Variants in SAMD5 observed in about 807,000 individuals in gnomAD.
SAMD5 encodes sterile alpha motif domain containing 5, also known as sterile alpha motif domain-containing protein 5.
In SAMD5, 13 loss-of-function variants were observed where a neutral mutation model predicts 11.3. That is an observed-to-expected ratio of 1.15 (90% CI 0.75 to 1.83). The LOEUF (loss-of-function observed/expected upper bound fraction) is 1.83. SAMD5 is among the 40% of genes most tolerant of loss of function. The pLI is 0.00. For missense variants in SAMD5, 255 were observed against 239.1 expected, an observed-to-expected ratio of 1.07 and a Z score of -0.44; for synonymous variants, 129 against 111.3, an observed-to-expected ratio of 1.16 and a Z score of -1.00.
chr6:147,878,668 T>G, the SAMD5 span, among the ~76,000 whole-genome samples: 2 of 149,682 alleles, frequency 1.3e-5, no homozygotes, highest in Non-Finnish European at 3.0e-5. Flanking sequence ...TATCTATATA[T>G]CTATATGTAG....
the SAMD5 span, among the ~76,000 whole-genome samples, chr6:147,856,198 TTTTA>T: frequency 6.6e-6 from 1 of 152,174 alleles, no homozygotes; most frequent in Non-Finnish European, 1.5e-5. Context: ...TATTGTAAAA[TTTTA>T]TTTATATAAA....
the SAMD5 span, among the ~76,000 whole-genome samples, chr6:147,861,372 G>T: frequency 4.4e-5 from 6 of 136,242 alleles, no homozygotes; most frequent in Admixed American, 2.9e-4. Flanking sequence ...CACCATATTC[G>T]CCAGGCTAGT....
chr6:147,802,005 G>C, the SAMD5 span, among the ~76,000 whole-genome samples: 34 of 152,140 alleles, frequency 2.2e-4, no homozygotes, highest in Non-Finnish European at 4.7e-4. Flanking sequence ...CTTGGGACAT[G>C]CAGAGATTTC....
At chr6:147,776,192 A>T in the SAMD5 span, among the ~76,000 whole-genome samples, 922 of 152,320 alleles carry the variant, frequency 6.1e-3, 27 homozygotes, top group East Asian at 0.061. Flanking sequence ...GATCAGGATT[A>T]TGCCTTGCTC....
At chr6:147,673,370 C>T (rs764064017) in intron 1 of SAMD5, among the ~76,000 whole-genome samples, 14 of 152,108 alleles carry the variant, frequency 9.2e-5, no homozygotes, top group African/African-American at 2.2e-4. Context: ...CCTGCCACCA[C>T]GCCCAGCTTA....
At chr6:147,790,804 C>G in the SAMD5 span, among the ~76,000 whole-genome samples, 3 of 101,264 alleles carry the variant, frequency 3.0e-5, no homozygotes, top group African/African-American at 1.0e-4. Flanking sequence ...CTCTCTCTCT[C>G]TCTCTCTCTC....
intron 1 of SAMD5, among the ~76,000 whole-genome samples, chr6:147,647,169 G>T (rs1790417501): frequency 6.6e-6 from 1 of 151,734 alleles, no homozygotes; most frequent in African/African-American, 2.4e-5. Context: ...CTCCACCTCA[G>T]AAAAAGAAAA....
intron 1 of SAMD5, among the ~76,000 whole-genome samples, chr6:147,678,943 G>T (rs1360913361): frequency 6.6e-6 from 1 of 152,072 alleles, no homozygotes; most frequent in Non-Finnish European, 1.5e-5. Flanking sequence ...GTGTATTGTT[G>T]TATGTCTCAA....
At chr6:147,836,577 AATTG>A in the SAMD5 span, among the ~76,000 whole-genome samples, 1 of 152,186 alleles carries the variant, frequency 6.6e-6, no homozygotes, top group Non-Finnish European at 1.5e-5. Flanking sequence ...TATGTCATGT[AATTG>A]ATTGAATACT....
At chr6:147,940,332 G>A in the SAMD5 span, among the ~76,000 whole-genome samples, 295 of 152,018 alleles carry the variant, frequency 1.9e-3, no homozygotes, top group African/African-American at 6.8e-3. Context: ...TTTAGGGGGT[G>A]GAATCACCTT....
the SAMD5 span, among the ~76,000 whole-genome samples, chr6:147,742,659 T>C: frequency 6.6e-6 from 1 of 152,220 alleles, no homozygotes; most frequent in Non-Finnish European, 1.5e-5. Context: ...GGCAGTACTC[T>C]ATCCAGTTAA....
intron 1 of SAMD5, among the ~76,000 whole-genome samples, chr6:147,622,846 C>T (rs898398093): frequency 3.3e-5 from 5 of 152,126 alleles, no homozygotes; most frequent in African/African-American, 1.2e-4. Flanking sequence ...GGAGGCCTCA[C>T]AATCATGGCG....
At chr6:147,753,146 T>C in the SAMD5 span, among the ~76,000 whole-genome samples, 1 of 152,198 alleles carries the variant, frequency 6.6e-6, no homozygotes, top group Non-Finnish European at 1.5e-5. Context: ...CAGTGTTGAT[T>C]CCGACATTCA....
At chr6:147,686,842 T>TC (rs1462687573) in intron 1 of SAMD5, among the ~76,000 whole-genome samples, 2 of 152,162 alleles carry the variant, frequency 1.3e-5, no homozygotes, top group East Asian at 1.9e-4. Context: ...ATTTGGCTTC[T>TC]CAGAACAAAA....
the SAMD5 span, among the ~76,000 whole-genome samples, chr6:147,839,471 G>A: frequency 3.3e-4 from 50 of 152,246 alleles, no homozygotes; most frequent in African/African-American, 1.1e-3. Context: ...AACTTGGGCC[G>A]GGCGCAATGG....
intron 1 of SAMD5, among the ~76,000 whole-genome samples, chr6:147,650,457 TGG>T (rs1790467458): frequency 6.6e-6 from 1 of 152,172 alleles, no homozygotes; most frequent in Admixed American, 6.5e-5. Flanking sequence ...TTTGAACCTT[TGG>T]TGGAAAGAAG....
the SAMD5 span, among the ~76,000 whole-genome samples, chr6:147,918,443 G>T: frequency 6.6e-6 from 1 of 152,100 alleles, no homozygotes; most frequent in African/African-American, 2.4e-5. Flanking sequence ...CACAAGAGAG[G>T]GATGCCCTCT....
chr6:147,924,649 C>T, the SAMD5 span, among the ~76,000 whole-genome samples: 1 of 151,698 alleles, frequency 6.6e-6, no homozygotes, highest in Non-Finnish European at 1.5e-5. Context: ...AAAACTAAAA[C>T]AAATCCACAA....
the SAMD5 span, among the ~76,000 whole-genome samples, chr6:147,909,618 T>TTCTCTCTC: frequency 1.3e-5 from 1 of 76,420 alleles, no homozygotes; most frequent in African/African-American, 8.3e-5. Context: ...CTTTCTTTCT[T>TTCTCTCTC]TCTTTCTTTC....
Sources: gnomAD v4.1 joint callset for allele counts (sites outside exome capture counted in the v4.1 genomes callset) on GRCh38, gnomAD v4.1.1 for gene constraint, MANE v1.5 for transcripts, NCBI Gene and HGNC (gene_info 2026-07-23, HGNC 2026-07-21) for gene names.